The following SPATA13 variants were observed in gnomAD, a reference collection of about 807,000 sequenced individuals.
The protein encoded by SPATA13 is spermatogenesis-associated protein 13.
In SPATA13, 50 loss-of-function variants were observed where a neutral mutation model predicts 104.0. The observed-to-expected ratio is 0.48, with a 90% CI of 0.38 to 0.61. The LOEUF (loss-of-function observed/expected upper bound fraction) is 0.61. Ranked by LOEUF, SPATA13 falls within the 20% of genes least tolerant of loss-of-function variation. SPATA13 has a pLI of 0.00. For synonymous variants in SPATA13, 606 were observed against 667.5 expected (o/e 0.91, Z 1.42); for missense variants, 1,524 against 1,690.6 (o/e 0.90, Z 1.73).
intron 2 of SPATA13, among the ~76,000 whole-genome samples, chr13:24,238,616 G>A (rs1205551342): frequency 6.6e-6 from 1 of 152,114 alleles, no homozygotes; most frequent in African/African-American, 2.4e-5. Context: ...GGGCCAGAGC[G>A]GTGCCATGTT....
chr13:24,265,667 G>A (rs1299159288), intron 4 of SPATA13, among the ~76,000 whole-genome samples: 1 of 152,110 alleles, frequency 6.6e-6, no homozygotes, highest in Non-Finnish European at 1.5e-5. Context: ...CTTGGCTGAT[G>A]TGCCCATCCT....
At chr13:24,013,883 G>GACC in intron 2 of SPATA13, among the ~76,000 whole-genome samples, 1 of 152,236 alleles carries the variant, frequency 6.6e-6, no homozygotes, top group East Asian at 1.9e-4. Flanking sequence ...TGTTGTTCAT[G>GACC]AGGTTATTGG....
chr13:24,007,190 G>T (rs1202812986), intron 2 of SPATA13, among the ~76,000 whole-genome samples: 1 of 152,140 alleles, frequency 6.6e-6, no homozygotes, highest in Non-Finnish European at 1.5e-5. Flanking sequence ...TTGCCTGGTG[G>T]CCCTGAGGCT....
At chr13:24,169,734 G>A (rs1882890613) in intron 1 of SPATA13, among the ~76,000 whole-genome samples, 1 of 152,168 alleles carries the variant, frequency 6.6e-6, no homozygotes, top group Non-Finnish European at 1.5e-5. Flanking sequence ...TGGGAGGTGA[G>A]GGAAGAAGGT....
chr13:24,145,630 C>T (rs1881904639), intron 3 of SPATA13, among the ~76,000 whole-genome samples: 1 of 152,212 alleles, frequency 6.6e-6, no homozygotes, highest in Admixed American at 6.5e-5. Context: ...GGAACTCTTC[C>T]TGCAATTCTC....
At chr13:23,990,187 G>A (rs1875345420) in intron 2 of SPATA13, among the ~76,000 whole-genome samples, 1 of 152,196 alleles carries the variant, frequency 6.6e-6, no homozygotes, top group African/African-American at 2.4e-5. Context: ...ACCTCCAGCT[G>A]TGTTGTTGCC....
At chr13:24,200,099 G>A (rs1490784532) in intron 1 of SPATA13, among the ~76,000 whole-genome samples, 1 of 152,170 alleles carries the variant, frequency 6.6e-6, no homozygotes, top group Non-Finnish European at 1.5e-5. Context: ...CTCTTTGCCA[G>A]ACTTGTACAA....
intron 3 of SPATA13, among the ~76,000 whole-genome samples, chr13:24,091,019 G>A (rs1879892266): frequency 6.6e-6 from 1 of 152,182 alleles, no homozygotes; most frequent in Non-Finnish European, 1.5e-5. Context: ...CGAAGTCTCT[G>A]CTTAGTTAGC....
intron 3 of SPATA13, among the ~76,000 whole-genome samples, chr13:24,107,129 G>A (rs530325292): frequency 6.6e-5 from 10 of 150,892 alleles, no homozygotes; most frequent in African/African-American, 1.9e-4. Context: ...AGCTCTATCA[G>A]GTGAAGGAAA....
intron 1 of SPATA13, 93 bp from the exon 2 acceptor site, chr13:24,222,726 C>A: frequency 1.8e-6 from 2 of 1,098,410 alleles, no homozygotes; most frequent in Non-Finnish European, 2.6e-6. Context: ...TTTCATCTGA[C>A]CAGCCCTGTG....
At chr13:24,271,592 A>T (rs1874616665) in intron 4 of SPATA13, among the ~76,000 whole-genome samples, 1 of 152,244 alleles carries the variant, frequency 6.6e-6, no homozygotes, top group Non-Finnish European at 1.5e-5. Context: ...GTACTCTCAC[A>T]CTAGGAAGCC....
chr13:24,129,143 A>G (rs1881315345), intron 3 of SPATA13, among the ~76,000 whole-genome samples: 1 of 152,242 alleles, frequency 6.6e-6, no homozygotes, highest in African/African-American at 2.4e-5. Context: ...CTTTCAATCC[A>G]AAGTCCAGGT....
At chr13:24,100,153 AAG>A (rs1455712395) in intron 3 of SPATA13, among the ~76,000 whole-genome samples, 1 of 151,354 alleles carries the variant, frequency 6.6e-6, no homozygotes, top group African/African-American at 2.5e-5. Context: ...AAAAAAAAAA[AAG>A]AATCAAACCA....
intron 3 of SPATA13, among the ~76,000 whole-genome samples, chr13:24,106,038 C>G (rs1470682368): frequency 2.0e-5 from 3 of 152,110 alleles, no homozygotes. Context: ...TTACAGCAGC[C>G]CAAAGAAGAT....
Position 24,303,555 on chromosome 13 carries a change from C to G in SPATA13, c.*782C>G, listed in dbSNP as rs149107212. Reference sequence around the variant, plus strand: ...GGAGTCGGATTCCCTCCTGCCTGCACGCCTTCAGTAACTCCGAGCAGAAAT... The same window carrying G: ...GGAGTCGGATTCCCTCCTGCCTGCAGGCCTTCAGTAACTCCGAGCAGAAAT... On this transcript the variant is annotated 3_prime_UTR_variant, in exon 13 of 13. Transcript: ENST00000382108. 1 of 156,070 alleles carries G rather than the reference C, an allele frequency of 6.4e-6. No individual in the cohort carries two copies. The highest frequency in any genetic ancestry group is 2.4e-5 in the African/African-American group (1 of 41,632). 9.7% of individuals were successfully genotyped at this position (156,070 alleles called of 1,614,324 possible). A position where few individuals can be genotyped will look rare whatever the true frequency, so the allele number is the denominator to read the frequency against.
intron 4 of SPATA13, chr13:24,270,777 A>G (rs1874538844): frequency 6.2e-7 from 1 of 1,608,642 alleles, no homozygotes; most frequent in Middle Eastern, 1.7e-4. Flanking sequence ...CAGCCTGTGC[A>G]GTCCTCTGTG....
At chr13:24,113,868 C>CAAAAAAAAAAAAAAAAA (rs958434459) in intron 3 of SPATA13, among the ~76,000 whole-genome samples, 7 of 56,128 alleles carry the variant, frequency 1.2e-4, no homozygotes, top group Admixed American at 2.1e-4. Context: ...GACTCGATCT[C>CAAAAAAAAAAAAAAAAA]AAAAAAAAAA....
chr13:24,158,029 T>G (rs1882314990), upstream of SPATA13, among the ~76,000 whole-genome samples: 2 of 152,186 alleles, frequency 1.3e-5, no homozygotes, highest in South Asian at 4.1e-4. Flanking sequence ...GAAAGACACA[T>G]TCTAGTTTTG....
chr13:24,000,942 C>T (rs1299429357), intron 2 of SPATA13, among the ~76,000 whole-genome samples: 5 of 152,108 alleles, frequency 3.3e-5, no homozygotes, highest in Non-Finnish European at 1.5e-5. Context: ...TGGGACTGGA[C>T]AGTGTTTACT....
Sources: gnomAD v4.1 joint callset for allele counts (sites outside exome capture counted in the v4.1 genomes callset) on GRCh38, gnomAD v4.1.1 for gene constraint, MANE v1.5 for transcripts, NCBI Gene and HGNC (gene_info 2026-07-23, HGNC 2026-07-21) for gene names.